PRIM2: variants seen among roughly 807,000 people sequenced by gnomAD.
PRIM2 encodes DNA primase large subunit.
PRIM2 carries 39 observed loss-of-function variants against 67.3 expected under a neutral mutation model. That is an observed-to-expected ratio of 0.58 (90% CI 0.45 to 0.76). The LOEUF (loss-of-function observed/expected upper bound fraction) is 0.76, where lower values mean the gene tolerates loss of function less well. PRIM2 is among the 30% of genes least tolerant of loss of function. PRIM2 has a pLI of 0.00. For synonymous variants in PRIM2, 143 were observed against 198.7 expected (o/e 0.72, Z 2.36); for missense variants, 398 against 598.7 (o/e 0.66, Z 3.50).
At chr6:57,607,549 G>C (rs1280183963) in intron 12 of PRIM2, among the ~76,000 whole-genome samples, 5 of 152,116 alleles carry the variant, frequency 3.3e-5, no homozygotes, top group Non-Finnish European at 5.9e-5. Flanking sequence ...ACAAATGAAA[G>C]ACTATAGGAG....
At chr6:57,277,585 G>A in the PRIM2 span, among the ~76,000 whole-genome samples, 1 of 151,516 alleles carries the variant, frequency 6.6e-6, no homozygotes, top group Non-Finnish European at 1.5e-5. Context: ...CAGAAGCCGG[G>A]GGGTGGTAGG....
intron 7 of PRIM2, among the ~76,000 whole-genome samples, chr6:57,428,094 T>A (rs1771691508): frequency 6.7e-6 from 1 of 150,304 alleles, no homozygotes; most frequent in Non-Finnish European, 1.5e-5. Context: ...ATGGCAGGCT[T>A]AATTTTAAAC....
In PRIM2 at chr6:57,595,358, C is replaced by G. The variant is rs1210018294; in HGVS notation, c.1021-5735C>G. The stretch of plus-strand genomic sequence containing the variant: ...ATTTTCTCCTACTGTACTCTCAACA[C>G]AGAGAGTATAGCGACCAGATGTGTG... On this transcript the variant is annotated intron_variant, in intron 10 of 13. Coordinates refer to ENST00000615550, the MANE Select transcript of PRIM2 (RefSeq NM_000947.5). Among the ~76,000 whole-genome samples, 14 of 152,276 alleles carry G rather than the reference C, an allele frequency of 9.2e-5. No homozygotes were observed. The East Asian group carries it at 2.7e-3, about 29-fold the overall frequency.
At chr6:57,233,427 C>A in the PRIM2 span, among the ~76,000 whole-genome samples, 73 of 152,278 alleles carry the variant, frequency 4.8e-4, 1 homozygote, top group African/African-American at 1.7e-3. Context: ...AAAAATTAAA[C>A]TAGCTTTTAT....
chr6:57,643,294 T>A lies in PRIM2; in HGVS notation c.1300-2634T>A, dbSNP rs1222220708. Among the ~76,000 whole-genome samples the A allele has an allele frequency of 2.6e-4, 40 of 152,344 alleles. No homozygotes were observed. In the South Asian group the frequency reaches 8.3e-3, roughly 32 times the overall value. ...TGTTTTTCTAATCTTTGTAGCCAAG[T>A]TTATCTCTAGAAATAAAATTTATAA... On this transcript the variant is annotated intron_variant, in intron 13 of 13. Transcript: ENST00000615550.
In PRIM2 at chr6:57,601,211, A is replaced by G. The variant is rs1398307893; in HGVS notation, c.1139A>G (p.Asp380Gly). 4 of 1,606,450 alleles carry G rather than the reference A, an allele frequency of 2.5e-6. No homozygotes were observed. In the African/African-American group the frequency reaches 5.4e-5, roughly 22 times the overall value. ...IILSNPPSQG[D>G]YHGCPFRHSD... Reference sequence around the variant, plus strand: ...CTGTCCAATCCACCAAGCCAAGGGGATTATCATGGTAAGTGCCTCCACTGG... The same window carrying G: ...CTGTCCAATCCACCAAGCCAAGGGGGTTATCATGGTAAGTGCCTCCACTGG... The change falls in exon 11 of 14, where the codon GAT becomes GGT. Residue 380 changes from aspartate to glycine, a missense_variant. By Grantham distance (94) the Asp-to-Gly change is moderately conservative. Transcript: ENST00000615550.
At chr6:57,258,863 G>C in the PRIM2 span, among the ~76,000 whole-genome samples, 1 of 152,138 alleles carries the variant, frequency 6.6e-6, no homozygotes, top group African/African-American at 2.4e-5. Flanking sequence ...AGGGCAGACA[G>C]CAGGATAGGA....
At chr6:57,315,758 C>A (rs1581782292), upstream of PRIM2, among the ~76,000 whole-genome samples, 1 of 152,134 alleles carries the variant, frequency 6.6e-6, no homozygotes, top group East Asian at 1.9e-4. Flanking sequence ...CAAAATACTT[C>A]TGTGAATTTT....
At chr6:57,633,187 C>G (rs1777063315) in intron 13 of PRIM2, among the ~76,000 whole-genome samples, 1 of 152,230 alleles carries the variant, frequency 6.6e-6, no homozygotes, top group African/African-American at 2.4e-5. Context: ...AACACATCTC[C>G]AAGTCCAATT....
chr6:57,391,377 A>G (rs1422808558), intron 7 of PRIM2, among the ~76,000 whole-genome samples: 1 of 150,298 alleles, frequency 6.7e-6, no homozygotes, highest in Non-Finnish European at 1.5e-5. Flanking sequence ...AGAAGCTGTT[A>G]AGTTTAGTTA....
chr6:57,400,993 C>T (rs1200808942), intron 7 of PRIM2, among the ~76,000 whole-genome samples: 3 of 152,130 alleles, frequency 2.0e-5, no homozygotes, highest in African/African-American at 4.8e-5. Flanking sequence ...TGGCTATTTC[C>T]TCCTTCAGCT....
intron 10 of PRIM2, among the ~76,000 whole-genome samples, chr6:57,566,374 G>A (rs1484363822): frequency 7.9e-5 from 12 of 151,876 alleles, no homozygotes; most frequent in Non-Finnish European, 1.3e-4. Context: ...TTTGTCTATC[G>A]AATGATCTTT....
At chr6:57,590,930 T>G (rs1340487837) in intron 10 of PRIM2, among the ~76,000 whole-genome samples, 1 of 152,222 alleles carries the variant, frequency 6.6e-6, no homozygotes, top group Non-Finnish European at 1.5e-5. Flanking sequence ...TTAAGTAAAC[T>G]GTCCAAGGTC....
At chr6:57,555,468 CAG>C (rs1310619793) in intron 10 of PRIM2, among the ~76,000 whole-genome samples, 1 of 152,150 alleles carries the variant, frequency 6.6e-6, no homozygotes, top group East Asian at 1.9e-4. Flanking sequence ...TTAGTAGAGA[CAG>C]AGTTTTACTA....
intron 5 of PRIM2, among the ~76,000 whole-genome samples, chr6:57,357,239 C>G (rs1171126395): frequency 6.6e-6 from 1 of 152,042 alleles, no homozygotes; most frequent in African/African-American, 2.4e-5. Flanking sequence ...CCTATCCAAT[C>G]CATTCTTTAC....
chr6:57,419,945 A>G (rs1402911897), intron 7 of PRIM2, among the ~76,000 whole-genome samples: 2 of 152,180 alleles, frequency 1.3e-5, no homozygotes, highest in African/African-American at 4.8e-5. Context: ...GAAACAGAAC[A>G]GGACTTTGAT....
At chr6:57,581,785 G>A (rs1350365569) in intron 10 of PRIM2, among the ~76,000 whole-genome samples, 1 of 152,120 alleles carries the variant, frequency 6.6e-6, no homozygotes, top group East Asian at 1.9e-4. Context: ...CCTCTGGTGG[G>A]GATGACCCTA....
the PRIM2 span, among the ~76,000 whole-genome samples, chr6:57,239,361 T>A: frequency 6.6e-6 from 1 of 152,230 alleles, no homozygotes; most frequent in Non-Finnish European, 1.5e-5. Flanking sequence ...AATGTCTCTG[T>A]ACCTTTGAAA....
rs191104925 is a variant in PRIM2, at chr6:57,338,921, G to A, written c.459+12876G>A. Among the ~76,000 whole-genome samples the A allele has an allele frequency of 4.8e-3, 737 of 152,250 alleles. 5 individuals carry two copies. The highest frequency in any genetic ancestry group is 0.017 in the African/African-American group (700 of 41,526). ...GAAAAGAGGAAGTCAAATCGTCCCT[G>A]TTTGCAGATGACATGATTGTATATC... is the stretch of plus-strand genomic sequence containing the variant. On this transcript the variant is annotated intron_variant, in intron 5 of 13. Transcript: ENST00000615550.
Sources: allele counts gnomAD v4.1 joint callset (sites outside exome capture counted in the v4.1 genomes callset), GRCh38; gene constraint gnomAD v4.1.1; transcripts MANE v1.5; gene names NCBI Gene and HGNC (gene_info 2026-07-23, HGNC 2026-07-21).